Variants in CMSS1 observed in about 807,000 individuals in gnomAD.
The protein encoded by CMSS1 is cms1 ribosomal small subunit homolog, also known as protein CMSS1.
In CMSS1, 33 loss-of-function variants were observed where a neutral mutation model predicts 43.5. The ratio of observed to expected loss-of-function variants is 0.76; its 90% confidence interval spans 0.57 to 1.01. The LOEUF (loss-of-function observed/expected upper bound fraction) is 1.01, where lower values mean the gene tolerates loss of function less well. Ranked by LOEUF, CMSS1 falls within the 50% of genes least tolerant of loss-of-function variation. The pLI, the probability that CMSS1 is intolerant of heterozygous loss-of-function variation, is 0.00. For synonymous variants in CMSS1, 115 were observed against 117.2 expected, an observed-to-expected ratio of 0.98 and a Z score of 0.12; for missense variants, 313 against 326.4, an observed-to-expected ratio of 0.96 and a Z score of 0.32.
intron 1 of CMSS1, among the ~76,000 whole-genome samples, chr3:99,877,847 G>A (rs1329420412): frequency 6.6e-6 from 1 of 152,140 alleles, no homozygotes; most frequent in African/African-American, 2.4e-5. Context: ...CAAACTGATA[G>A]CATACTTTTA....
intron 1 of CMSS1, among the ~76,000 whole-genome samples, chr3:99,952,950 G>T (rs1196161005): frequency 6.6e-6 from 1 of 152,162 alleles, no homozygotes; most frequent in Non-Finnish European, 1.5e-5. Context: ...AAATAACCCA[G>T]AATATAGCCT....
intron 1 of CMSS1, among the ~76,000 whole-genome samples, chr3:99,947,447 C>G (rs76759185): frequency 0.051 from 7,721 of 152,220 alleles, 291 homozygotes; most frequent in South Asian, 0.13. Context: ...TAACCACTCT[C>G]CAGTCCTTCC....
chr3:100,096,606 G>A (rs1352111322), intron 1 of CMSS1, among the ~76,000 whole-genome samples: 1 of 151,768 alleles, frequency 6.6e-6, no homozygotes, highest in East Asian at 1.9e-4. Context: ...ATGGTTACCA[G>A]AGTCTGGGAA....
intron 1 of CMSS1, among the ~76,000 whole-genome samples, chr3:100,010,589 A>T (rs565870160): frequency 2.7e-5 from 4 of 150,890 alleles, no homozygotes; most frequent in African/African-American, 9.7e-5. Context: ...AAAGCATTCT[A>T]TATCATCTGA....
At chr3:99,962,171 G>A (rs1033202638) in intron 1 of CMSS1, among the ~76,000 whole-genome samples, 14 of 152,182 alleles carry the variant, frequency 9.2e-5, no homozygotes, top group South Asian at 2.1e-4. Flanking sequence ...GAGGGGATGC[G>A]TGGTGAGTTC....
chr3:99,832,861 GTT>G (rs532780860), intron 1 of CMSS1, among the ~76,000 whole-genome samples: 1 of 133,824 alleles, frequency 7.5e-6, no homozygotes. Flanking sequence ...AAAAAAAGTT[GTT>G]TTTTTTTTTT....
intron 1 of CMSS1, among the ~76,000 whole-genome samples, chr3:100,060,346 C>A (rs924819614): frequency 1.3e-5 from 2 of 152,170 alleles, no homozygotes; most frequent in Non-Finnish European, 1.5e-5. Flanking sequence ...CCTCTTCCAT[C>A]CCTTTATACC....
intron 1 of CMSS1, among the ~76,000 whole-genome samples, chr3:100,123,448 AT>A (rs1439192085): frequency 6.6e-6 from 1 of 152,170 alleles, no homozygotes; most frequent in East Asian, 1.9e-4. Context: ...TGTGAGTGTT[AT>A]TTTAAGTATA....
intron 1 of CMSS1, among the ~76,000 whole-genome samples, chr3:99,819,818 G>A (rs1050627175): frequency 1.0e-4 from 15 of 149,132 alleles, no homozygotes; most frequent in Admixed American, 2.0e-4. Flanking sequence ...GCAGTGGCAC[G>A]ATCTCGGCTC....
At position 99,826,440 on chromosome 3, in the gene CMSS1, C is replaced by T. The variant is rs141055185; in HGVS notation, c.64+8397C>T. ...CAGTCATAGAAAATAAATGTGTAAA[C>T]GAATGAGTATGGCTGTGTTCCAATA... On this transcript the variant is annotated intron_variant, in intron 1 of 9. Transcript: ENST00000421999. 2.2e-4 allele frequency among the ~76,000 whole-genome samples: 34 copies of T among 152,228 alleles called. No homozygotes were observed. In the East Asian group the frequency reaches 5.2e-3, roughly 23 times the overall value.
chr3:100,060,988 T>C (rs1011539781), intron 1 of CMSS1, among the ~76,000 whole-genome samples: 1 of 152,200 alleles, frequency 6.6e-6, no homozygotes, highest in South Asian at 2.1e-4. Flanking sequence ...CACGAGGTGA[T>C]GAGTTGCAGC....
intron 1 of CMSS1, among the ~76,000 whole-genome samples, chr3:100,024,527 G>C (rs1203526795): frequency 6.6e-6 from 1 of 152,036 alleles, no homozygotes; most frequent in East Asian, 1.9e-4. Flanking sequence ...ACCTTTCATA[G>C]GAAGCAACTG....
chr3:99,929,539 T>TGTGC (rs1409920150), intron 1 of CMSS1, among the ~76,000 whole-genome samples: 30 of 151,710 alleles, frequency 2.0e-4, no homozygotes, highest in Admixed American at 4.6e-4. Flanking sequence ...TGTGTGTGTG[T>TGTGC]GTAAGCACAT....
chr3:99,881,543 T>TG (rs1705728871), intron 1 of CMSS1, among the ~76,000 whole-genome samples: 1 of 152,012 alleles, frequency 6.6e-6, no homozygotes, highest in South Asian at 2.1e-4. Context: ...CTCTCTTTTT[T>TG]TTTTTTTGAG....
At chr3:100,089,792 T>C (rs997677568) in intron 1 of CMSS1, among the ~76,000 whole-genome samples, 3 of 152,220 alleles carry the variant, frequency 2.0e-5, no homozygotes, top group Non-Finnish European at 4.4e-5. Flanking sequence ...TTAGTCAGGC[T>C]TTTTAAGTAG....
At chr3:100,025,814 A>G (rs1473385618) in intron 1 of CMSS1, among the ~76,000 whole-genome samples, 1 of 152,116 alleles carries the variant, frequency 6.6e-6, no homozygotes, top group East Asian at 1.9e-4. Context: ...GTCGACCTCC[A>G]TTTTTTGTTG....
At position 99,983,389 on chromosome 3, in the gene CMSS1, A is replaced by AATATGTATATATATATAT. The variant is rs1553702701; in HGVS notation, c.65-163580_65-163579insGTATATATATATATATAT. On this transcript the variant is annotated intron_variant, in intron 1 of 9. Coordinates refer to ENST00000421999, the MANE Select transcript of CMSS1 (RefSeq NM_032359.4). ...TCTCTACTTAAAAAATAAATAAATA[A>AATATGTATATATATATAT]ATATATATATATATATATATATATA... Among the ~76,000 whole-genome samples the AATATGTATATATATATAT allele has an allele frequency of 6.1e-4, 25 of 40,772 alleles. 1 individual carries two copies. The highest frequency in any genetic ancestry group is 0.016 in the Middle Eastern group (1 of 64). 26.7% of individuals were successfully genotyped at this position (40,772 alleles called of 152,430 possible).
chr3:99,929,513 A>AGTGTGT (rs10629410), intron 1 of CMSS1, among the ~76,000 whole-genome samples: 4,302 of 148,256 alleles, frequency 0.029, 68 homozygotes, highest in African/African-American at 0.046. Flanking sequence ...AAGTTCCCAG[A>AGTGTGT]GTGTGTGTGT....
At chr3:99,918,590 AGGCATTGTAT>A (rs1707027956) in intron 1 of CMSS1, among the ~76,000 whole-genome samples, 1 of 152,224 alleles carries the variant, frequency 6.6e-6, no homozygotes, top group Non-Finnish European at 1.5e-5. Context: ...TGAAATTAAA[AGGCATTGTAT>A]GGAAACCGCT....
Sources: allele counts gnomAD v4.1 joint callset (sites outside exome capture counted in the v4.1 genomes callset), GRCh38; gene constraint gnomAD v4.1.1; transcripts MANE v1.5; gene names NCBI Gene and HGNC (gene_info 2026-07-23, HGNC 2026-07-21).